Variants in RUFY3 observed in about 807,000 individuals in gnomAD.
RUFY3 encodes the protein RUN and FYVE domain containing 3.
Under a neutral mutation model 84.0 loss-of-function variants are expected in RUFY3, and 34 were observed. The ratio of observed to expected loss-of-function variants is 0.40; its 90% CI spans 0.31 to 0.54. The LOEUF (loss-of-function observed/expected upper bound fraction) is 0.54. RUFY3 is among the 20% of genes least tolerant of loss of function. RUFY3 has a pLI of 0.39. For synonymous variants in RUFY3, 242 were observed against 252.9 expected, an observed-to-expected ratio of 0.96 and a Z score of 0.41; for missense variants, 507 against 736.8, an observed-to-expected ratio of 0.69 and a Z score of 3.61.
intron 1 of RUFY3, among the ~76,000 whole-genome samples, chr4:70,729,379 C>A (rs1718831009): frequency 6.6e-6 from 1 of 152,150 alleles, no homozygotes; most frequent in African/African-American, 2.4e-5. Flanking sequence ...GCCTCAGCCT[C>A]CTGAGTAGCT....
At chr4:70,730,229 T>C (rs1458388291) in intron 1 of RUFY3, among the ~76,000 whole-genome samples, 2 of 151,640 alleles carry the variant, frequency 1.3e-5, no homozygotes, top group South Asian at 2.1e-4. Context: ...AGCCAAAATA[T>C]GTGCTTTTCT....
chr4:70,735,056 A>C (rs1214628149), intron 1 of RUFY3, among the ~76,000 whole-genome samples: 1 of 152,230 alleles, frequency 6.6e-6, no homozygotes, highest in Non-Finnish European at 1.5e-5. Context: ...GTGCCAGAGA[A>C]GATAATTGCC....
chr4:70,730,090 A>G (rs1042035986), intron 1 of RUFY3, among the ~76,000 whole-genome samples: 5 of 151,570 alleles, frequency 3.3e-5, no homozygotes, highest in Non-Finnish European at 7.4e-5. Context: ...ACCCACCACC[A>G]TTTCTGGCTA....
chr4:70,731,682 C>G (rs1403138759), intron 1 of RUFY3, among the ~76,000 whole-genome samples: 1 of 152,152 alleles, frequency 6.6e-6, no homozygotes, highest in East Asian at 1.9e-4. Context: ...ATTCTCCTGC[C>G]TCAGCCTCCT....
At chr4:70,726,306 G>A (rs767640020) in intron 1 of RUFY3, among the ~76,000 whole-genome samples, 1 of 152,198 alleles carries the variant, frequency 6.6e-6, no homozygotes, top group Non-Finnish European at 1.5e-5. Flanking sequence ...AGAAGGAAGA[G>A]AACATTTGAG....
chr4:70,753,882 C>T lies in RUFY3; in HGVS notation c.179-8637C>T, dbSNP rs1017147748. Among the ~76,000 whole-genome samples, 15 of 152,140 alleles carry T rather than the reference C, an allele frequency of 9.9e-5. No homozygotes were observed. The South Asian group carries it at 2.9e-3, about 29-fold the overall frequency. ...CATTTTACTGATGAGGAAATTGAAG[C>T]TTCAAAGGGGTGAGATTTCTTGCCT... On this transcript the variant is annotated intron_variant, in intron 1 of 17. Transcript: ENST00000381006.
chr4:70,705,267 G>GGCGGCAGCA (rs779837655), exon 1 of RUFY3: 42 of 1,439,504 alleles, frequency 2.9e-5, no homozygotes, highest in African/African-American at 1.5e-4. Context: ...GAGCGGCGGC[G>GGCGGCAGCA]GCGGCAGCAG....
In RUFY3 at chr4:70,789,590, A is replaced by C. The variant is rs902357623; in HGVS notation, c.1335A>C (p.Gln445His). The change falls in exon 12 of 18, where the codon CAA (glutamine) becomes CAC (histidine). Residue 445 changes from glutamine to histidine, a missense_variant and splice_region_variant. Physicochemically the swap from Gln to His is conservative, Grantham distance 24 (BLOSUM62 0). Coordinates refer to ENST00000381006, the MANE Select transcript of RUFY3 (RefSeq NM_001037442.4). ...QMAATIKQLE[Q>H]RLRQAERSRQ... ...CTGCTACCATTAAACAACTTGAACA[A>C]AGGTAAAAGTCCTGTTTCTTTAATG... The C allele has an allele frequency of 6.2e-7, 1 of 1,612,004 alleles. No homozygotes were observed. Among genetic ancestry groups the C allele is most frequent in the East Asian group, 2.2e-5 (1 of 44,746 alleles).
chr4:70,744,611 T>C (rs1721875061), intron 1 of RUFY3, among the ~76,000 whole-genome samples: 1 of 152,188 alleles, frequency 6.6e-6, no homozygotes, highest in Non-Finnish European at 1.5e-5. Context: ...GTTGTTTTTG[T>C]TTTTTGTTTC....
chr4:70,755,187 G>T (rs114103054), intron 1 of RUFY3, among the ~76,000 whole-genome samples: 1 of 152,076 alleles, frequency 6.6e-6, no homozygotes, highest in Non-Finnish European at 1.5e-5. Context: ...GAGCCACTGC[G>T]CCCAGCCAAA....
At chr4:70,796,508 T>G (rs761730093) in intron 14 of RUFY3, among the ~76,000 whole-genome samples, 2 of 152,242 alleles carry the variant, frequency 1.3e-5, no homozygotes, top group African/African-American at 4.8e-5. Flanking sequence ...TACTTTTGTC[T>G]GCAGCTGATA....
intron 1 of RUFY3, among the ~76,000 whole-genome samples, chr4:70,755,864 T>C (rs1485586256): frequency 6.6e-6 from 1 of 150,998 alleles, no homozygotes; most frequent in Non-Finnish European, 1.5e-5. Context: ...GGCAGGAGAA[T>C]GGCGTGAACC....
chr4:70,777,879 C>T (rs1176830454), intron 7 of RUFY3, among the ~76,000 whole-genome samples: 1 of 152,136 alleles, frequency 6.6e-6, no homozygotes, highest in Non-Finnish European at 1.5e-5. Flanking sequence ...TAAATACTTA[C>T]TGAATTAAAA....
intron 1 of RUFY3, among the ~76,000 whole-genome samples, chr4:70,707,230 GTC>G (rs1441235515): frequency 6.6e-6 from 1 of 152,238 alleles, no homozygotes; most frequent in Non-Finnish European, 1.5e-5. Context: ...CGTGATCTCA[GTC>G]TCTACCTTAG....
At chr4:70,779,070 G>A (rs1357510413) in intron 8 of RUFY3, among the ~76,000 whole-genome samples, 6 of 152,178 alleles carry the variant, frequency 3.9e-5, no homozygotes, top group East Asian at 1.9e-4. Flanking sequence ...TTCAGTAAGC[G>A]TTTCACACAG....
chr4:70,747,714 G>A (rs1722455338), intron 1 of RUFY3, among the ~76,000 whole-genome samples: 1 of 152,130 alleles, frequency 6.6e-6, no homozygotes, highest in South Asian at 2.1e-4. Context: ...ACAACTAGGT[G>A]ATCAAAAATA....
At chr4:70,804,068 C>T (rs1362181310) in intron 16 of RUFY3, among the ~76,000 whole-genome samples, 2 of 152,028 alleles carry the variant, frequency 1.3e-5, no homozygotes, top group Non-Finnish European at 2.9e-5. Flanking sequence ...GTAGAGTGAA[C>T]AAGAGGAATG....
intron 8 of RUFY3, among the ~76,000 whole-genome samples, chr4:70,778,955 G>A (rs1199283428): frequency 6.6e-6 from 1 of 152,158 alleles, no homozygotes; most frequent in South Asian, 2.1e-4. Context: ...AGACTGTGTA[G>A]GGGCATGTTG....
intron 1 of RUFY3, among the ~76,000 whole-genome samples, chr4:70,726,363 TC>T (rs1425505983): frequency 6.6e-6 from 1 of 152,112 alleles, no homozygotes; most frequent in East Asian, 1.9e-4. Context: ...CTACCATCAC[TC>T]TTTTTTTTCT....
Sources: allele counts gnomAD v4.1 joint callset (sites outside exome capture counted in the v4.1 genomes callset), GRCh38; gene constraint gnomAD v4.1.1; transcripts MANE v1.5; gene names NCBI Gene and HGNC (gene_info 2026-07-23, HGNC 2026-07-21).